Variants in NRXN3 observed in about 807,000 individuals in gnomAD.
The protein encoded by NRXN3 is neurexin III.
In NRXN3, 32 loss-of-function variants were observed where a neutral mutation model predicts 137.6. That is an observed-to-expected ratio of 0.23 (90% CI 0.18 to 0.31). The LOEUF (loss-of-function observed/expected upper bound fraction) is 0.31. NRXN3 is among the 10% of genes least tolerant of loss of function. NRXN3 has a pLI of 1.00. For synonymous variants in NRXN3, 798 were observed against 784.5 expected, an observed-to-expected ratio of 1.02 and a Z score of -0.29; for missense variants, 1,574 against 2,062.5, an observed-to-expected ratio of 0.76 and a Z score of 4.59.
At chr14:78,927,952 C>T (rs2099310683) in intron 10 of NRXN3, among the ~76,000 whole-genome samples, 1 of 152,092 alleles carries the variant, frequency 6.6e-6, no homozygotes. Flanking sequence ...CCTGGGGGAG[C>T]TTATCTGCCC....
intron 4 of NRXN3, among the ~76,000 whole-genome samples, chr14:78,506,786 C>G (rs1014687133): frequency 6.6e-5 from 10 of 151,610 alleles, no homozygotes; most frequent in African/African-American, 2.4e-4. Context: ...TCTCTTGCCT[C>G]AGTCTCCCAA....
chr14:78,633,161 A>G (rs1384096468), intron 4 of NRXN3, among the ~76,000 whole-genome samples: 3 of 148,272 alleles, frequency 2.0e-5, no homozygotes, highest in African/African-American at 7.5e-5. Context: ...AGGCTGAGGC[A>G]GGAGAATGGC....
At chr14:78,721,351 A>T (rs2098458884) in intron 8 of NRXN3, among the ~76,000 whole-genome samples, 1 of 152,180 alleles carries the variant, frequency 6.6e-6, no homozygotes, top group African/African-American at 2.4e-5. Flanking sequence ...TCTGACCTGG[A>T]GATGGATCCT....
chr14:79,309,017 G>A (rs1227866126), intron 15 of NRXN3, among the ~76,000 whole-genome samples: 6 of 118,480 alleles, frequency 5.1e-5, no homozygotes, highest in Non-Finnish European at 1.0e-4. Flanking sequence ...TGCCATGCTG[G>A]TGCGCTGCAC....
At chr14:78,792,257 CAAAAAAAAAAA>C (rs140968788) in intron 8 of NRXN3, among the ~76,000 whole-genome samples, 4 of 19,456 alleles carry the variant, frequency 2.1e-4, no homozygotes, top group Non-Finnish European at 2.3e-4. Context: ...AGACTAAAGG[CAAAAAAAAAAA>C]AAAAAAAAAA....
At chr14:78,721,991 T>C (rs1283740261) in intron 8 of NRXN3, among the ~76,000 whole-genome samples, 3 of 151,770 alleles carry the variant, frequency 2.0e-5, no homozygotes, top group Non-Finnish European at 4.4e-5. Context: ...AAGCACAGGG[T>C]TTTATGATTG....
intron 10 of NRXN3, among the ~76,000 whole-genome samples, chr14:78,906,041 T>C (rs1204691629): frequency 2.6e-5 from 4 of 152,022 alleles, no homozygotes; most frequent in African/African-American, 7.2e-5. Flanking sequence ...TTTAATGTTA[T>C]TGATAGAAAA....
intron 8 of NRXN3, among the ~76,000 whole-genome samples, chr14:78,781,444 C>A (rs1337861737): frequency 6.6e-6 from 1 of 152,124 alleles, no homozygotes; most frequent in Non-Finnish European, 1.5e-5. Flanking sequence ...ATTATTTCTA[C>A]TTGTTCGAAT....
intron 15 of NRXN3, among the ~76,000 whole-genome samples, chr14:79,006,239 A>G (rs1196101680): frequency 1.7e-5 from 2 of 117,694 alleles, no homozygotes; most frequent in Non-Finnish European, 3.0e-5. Flanking sequence ...TCTGATATAT[A>G]GTGCAGATTC....
intron 15 of NRXN3, among the ~76,000 whole-genome samples, chr14:79,287,538 T>C (rs1255725083): frequency 6.6e-6 from 1 of 152,214 alleles, no homozygotes; most frequent in African/African-American, 2.4e-5. Context: ...CAGGTGTTTT[T>C]AGGGACAACT....
intron 10 of NRXN3, among the ~76,000 whole-genome samples, chr14:78,916,851 T>A (rs2099256696): frequency 6.6e-6 from 1 of 152,182 alleles, no homozygotes. Context: ...TTGAGGGCTG[T>A]GAGAGAAGGA....
intron 4 of NRXN3, among the ~76,000 whole-genome samples, chr14:78,509,773 A>G (rs1186948053): frequency 6.6e-6 from 1 of 152,112 alleles, no homozygotes; most frequent in East Asian, 1.9e-4. Context: ...GAAAGCTCAT[A>G]TCCTCTGAGT....
chr14:79,121,694 C>G (rs2055469265), intron 15 of NRXN3, among the ~76,000 whole-genome samples: 1 of 152,178 alleles, frequency 6.6e-6, no homozygotes, highest in African/African-American at 2.4e-5. Context: ...CACAAGAACT[C>G]ATGAGATTGG....
chr14:78,881,051 C>T (rs1254103441), intron 10 of NRXN3, among the ~76,000 whole-genome samples: 1 of 151,942 alleles, frequency 6.6e-6, no homozygotes, highest in African/African-American at 2.4e-5. Context: ...AGGGGATTTT[C>T]CCCCTTTTGC....
intron 15 of NRXN3, among the ~76,000 whole-genome samples, chr14:79,220,339 AG>A (rs1216292848): frequency 6.6e-6 from 1 of 152,222 alleles, no homozygotes; most frequent in Non-Finnish European, 1.5e-5. Flanking sequence ...AAAATTGAGC[AG>A]AAAGTATAGA....
intron 4 of NRXN3, chr14:78,403,798 C>A (rs2092286692): frequency 1.0e-6 from 1 of 985,318 alleles, no homozygotes; most frequent in African/African-American, 1.7e-5. Context: ...TTCGTTGTTT[C>A]TGCCCCCTGA....
At chr14:78,305,272 C>T (rs1052550602) in intron 4 of NRXN3, among the ~76,000 whole-genome samples, 3 of 152,050 alleles carry the variant, frequency 2.0e-5, no homozygotes, top group African/African-American at 2.4e-5. Context: ...TCTTTAATAA[C>T]GATCAAGAAC....
chr14:78,769,911 C>A (rs1228322517), intron 8 of NRXN3, among the ~76,000 whole-genome samples: 4 of 151,388 alleles, frequency 2.6e-5, no homozygotes, highest in Admixed American at 2.6e-4. Flanking sequence ...GACAGGGATG[C>A]CAGGGTGTGG....
At chr14:79,561,597 G>C (rs768988783) in intron 16 of NRXN3, among the ~76,000 whole-genome samples, 5 of 152,034 alleles carry the variant, frequency 3.3e-5, no homozygotes, top group Admixed American at 6.6e-5. Flanking sequence ...ACACATTACT[G>C]TTATTTTGCT....
Sources: gnomAD v4.1 joint callset for allele counts (sites outside exome capture counted in the v4.1 genomes callset) on GRCh38, gnomAD v4.1.1 for gene constraint, MANE v1.5 for transcripts, NCBI Gene and HGNC (gene_info 2026-07-23, HGNC 2026-07-21) for gene names.